PTCD3: variants seen among roughly 807,000 people sequenced by gnomAD.
The protein encoded by PTCD3 is pentatricopeptide repeat domain 3.
PTCD3 carries 89 observed loss-of-function variants against 101.9 expected under a neutral mutation model. The ratio of observed to expected loss-of-function variants is 0.87; its 90% CI spans 0.74 to 1.04. The LOEUF is 1.04. Among genes scored for constraint, PTCD3 ranks in the 50% least tolerant of loss-of-function variants. PTCD3 has a pLI of 0.00. For missense variants in PTCD3, 870 were observed against 828.2 expected (o/e 1.05, Z -0.62); for synonymous variants, 296 against 278.5 (o/e 1.06, Z -0.63).
chr2:86,122,758 T>C (rs1433288603), intron 8 of PTCD3, among the ~76,000 whole-genome samples: 2 of 152,188 alleles, frequency 1.3e-5, no homozygotes, highest in Admixed American at 6.5e-5. Context: ...TAAAAGTGCA[T>C]AGGCAGTAGG....
In PTCD3 at chr2:86,107,119, TC is replaced by T. The variant is rs1432608337; in HGVS notation, c.104+772del. On this transcript the variant is annotated intron_variant, in intron 1 of 23. Transcript: ENST00000254630. The stretch of plus-strand genomic sequence containing the variant: ...GTTTTTATATGTACTCTCCCTTAGT[TC>T]CCCTCAAGAAAGAGAAACCACTCCA... The T allele has an allele frequency of 8.5e-6, 4 of 471,134 alleles. No individual in the cohort carries two copies. In the East Asian group the frequency reaches 2.8e-4, roughly 33 times the overall value. The allele number at this position is 471,134 out of a possible 1,614,324, so 29.2% of individuals were successfully genotyped here. A position where few individuals can be genotyped will look rare whatever the true frequency, so the allele number is the denominator to read the frequency against.
At chr2:86,121,816 T>C (rs2104454136) in intron 8 of PTCD3, among the ~76,000 whole-genome samples, 1 of 152,380 alleles carries the variant, frequency 6.6e-6, no homozygotes, top group East Asian at 1.9e-4. Context: ...TGTCCTCACC[T>C]ACTTCATATT....
chr2:86,122,312 G>A (rs1043561206), intron 8 of PTCD3, among the ~76,000 whole-genome samples: 2 of 152,264 alleles, frequency 1.3e-5, no homozygotes, highest in Non-Finnish European at 1.5e-5. Context: ...TTTTACAAAT[G>A]CATACAAAAA....
chr2:86,123,837 G>T, intron 9 of PTCD3, 75 bp downstream of exon 9: 1 of 984,056 alleles, frequency 1.0e-6, no homozygotes, highest in South Asian at 2.5e-5. Context: ...ACCCTGTGAA[G>T]ATGTTTTCTT....
At chr2:86,116,749 G>T (rs1002465754) in intron 5 of PTCD3, 151 bp downstream of exon 5, 2 of 680,644 alleles carry the variant, frequency 2.9e-6, no homozygotes, top group Non-Finnish European at 5.0e-6. Flanking sequence ...TCTTCAAAAA[G>T]ATGTACATAT....
At position 86,119,045 on chromosome 2, in the gene PTCD3, G is replaced by A; in HGVS notation, c.538+1G>A. 1 of 1,613,286 alleles carries A rather than the reference G, an allele frequency of 6.2e-7. No individual in the cohort carries two copies. The highest frequency in any genetic ancestry group is 8.5e-7 in the Non-Finnish European group (1 of 1,179,866). ...ATGTTTGATCAGCTTTTGCAAGCAG[G>A]TGACTGAGTTCGATTAAAGCCCCTC... On this transcript the variant is annotated splice_donor_variant, in intron 7 of 23. Transcript: ENST00000254630. LOFTEE classifies it high-confidence loss of function.
rs1487348969 is a variant in PTCD3 at position 86,133,227 on chromosome 2, T to C, written c.1423T>C (p.Leu475=). Reference sequence around the variant, plus strand: ...TCTAATGGAACAAATTGATGTTACCTTGAAGTGGTATGAGGACCTGATACC... The same window carrying C: ...TCTAATGGAACAAATTGATGTTACCCTGAAGTGGTATGAGGACCTGATACC... ...ICLMEQIDVT[L]KWYEDLIPSA... The change falls in exon 18 of 24, where the codon TTG becomes CTG. Residue 475 remains leucine, a synonymous_variant. Transcript: ENST00000254630. 6 of 1,614,060 alleles carry C rather than the reference T, an allele frequency of 3.7e-6. No individual in the cohort carries two copies. In the African/African-American group the frequency reaches 8.0e-5, roughly 22 times the overall value.
At chr2:86,109,865 T>C (rs575520624) in intron 3 of PTCD3, among the ~76,000 whole-genome samples, 1 of 152,342 alleles carries the variant, frequency 6.6e-6, no homozygotes, top group East Asian at 1.9e-4. Flanking sequence ...ACATGGATAG[T>C]GCAGCCAAAC....
At chr2:86,114,260 G>T (rs1674141604) in intron 4 of PTCD3, among the ~76,000 whole-genome samples, 1 of 152,040 alleles carries the variant, frequency 6.6e-6, no homozygotes, top group Admixed American at 6.6e-5. Flanking sequence ...GTATCGCCAA[G>T]ACTGAGAAAG....
At chr2:86,129,115 TA>T (rs1461274918) in intron 14 of PTCD3, among the ~76,000 whole-genome samples, 4 of 152,212 alleles carry the variant, frequency 2.6e-5, no homozygotes, top group African/African-American at 4.8e-5. Context: ...GTTAATTGAC[TA>T]TACCTTGGAA....
At chr2:86,110,064 A>T (rs1674047075) in intron 3 of PTCD3, among the ~76,000 whole-genome samples, 1 of 152,226 alleles carries the variant, frequency 6.6e-6, no homozygotes, top group Admixed American at 6.5e-5. Context: ...AATGTATGAT[A>T]CCTTTTAAAG....
At chr2:86,123,039 C>T (rs1482997159) in intron 8 of PTCD3, among the ~76,000 whole-genome samples, 1 of 152,092 alleles carries the variant, frequency 6.6e-6, no homozygotes, top group Admixed American at 6.5e-5. Flanking sequence ...GCGGGTGGAT[C>T]ATGAGGTCAG....
chr2:86,137,734 A>C lies in PTCD3; in HGVS notation c.*175A>C, dbSNP rs916918373. 3.6e-6 allele frequency: 3 copies of C among 826,302 alleles called. No homozygotes were observed. The African/African-American group carries it at 5.2e-5, about 14-fold the overall frequency. 51.2% of individuals were successfully genotyped at this position (826,302 alleles called of 1,614,324 possible). Reference sequence around the variant, plus strand: ...CTGACTTATGTAGATTTAAGCTGCTAATATGCTACTTAACCATCTATTAAT... The same window carrying C: ...CTGACTTATGTAGATTTAAGCTGCTCATATGCTACTTAACCATCTATTAAT... On this transcript the variant is annotated 3_prime_UTR_variant, in exon 24 of 24. Coordinates refer to ENST00000254630, the MANE Select transcript of PTCD3 (RefSeq NM_017952.6).
intron 9 of PTCD3, among the ~76,000 whole-genome samples, chr2:86,124,300 A>C (rs1367637676): frequency 6.6e-6 from 1 of 152,214 alleles, no homozygotes; most frequent in Non-Finnish European, 1.5e-5. Context: ...TTGTTATTGA[A>C]GTGATGAATT....
chr2:86,120,120 G>A (rs1476172843), intron 7 of PTCD3, among the ~76,000 whole-genome samples: 3 of 152,184 alleles, frequency 2.0e-5, no homozygotes, highest in African/African-American at 7.2e-5. Context: ...CTGAGTGATG[G>A]CAATAGATTG....
intron 21 of PTCD3, chr2:86,136,047 G>A (rs1348489031): frequency 1.9e-6 from 1 of 518,682 alleles, no homozygotes; most frequent in Non-Finnish European, 3.8e-6. Context: ...AACCCCTGCT[G>A]TACTTTAAGA....
intron 3 of PTCD3, 33 bp from the exon 4 acceptor site, chr2:86,111,080 T>C: frequency 6.3e-7 from 1 of 1,596,690 alleles, no homozygotes. Flanking sequence ...TGAAGAGCCC[T>C]GATGAGGATT....
intron 3 of PTCD3, among the ~76,000 whole-genome samples, chr2:86,110,291 G>A (rs1243398007): frequency 6.6e-6 from 1 of 152,216 alleles, no homozygotes; most frequent in Non-Finnish European, 1.5e-5. Context: ...AGAAAATTTA[G>A]TGGATATTAT....
Position 86,111,152 on chromosome 2 carries a change from A to G in PTCD3, c.234A>G (p.Val78=). 6.2e-7 allele frequency: 1 copy of G among 1,613,236 alleles called. No homozygotes were observed. The highest frequency in any genetic ancestry group is 1.1e-5 in the South Asian group (1 of 91,044). ...TTCTTCAGGCACTTGCATCCACAGT[A>G]AACAGGGTAAGTAGGATTTTGTGTT... ...VAVLQALAST[V]NRDTTAVPYV... Residue 78 remains valine (V), a synonymous_variant, in exon 4 of 24, where the codon GTA becomes GTG. Coordinates refer to ENST00000254630, the MANE Select transcript of PTCD3 (RefSeq NM_017952.6).
Sources: gnomAD v4.1 joint callset for allele counts (sites outside exome capture counted in the v4.1 genomes callset) on GRCh38, gnomAD v4.1.1 for gene constraint, MANE v1.5 for transcripts, NCBI Gene and HGNC (gene_info 2026-07-23, HGNC 2026-07-21) for gene names.